Variants in PCDH15 observed in about 807,000 individuals in gnomAD.
PCDH15 encodes protocadherin-15.
Under a neutral mutation model 178.5 loss-of-function variants are expected in PCDH15, and 129 were observed. The ratio of observed to expected loss-of-function variants is 0.72; its 90% CI spans 0.63 to 0.84. The LOEUF (loss-of-function observed/expected upper bound fraction) is 0.84, where lower values mean the gene tolerates loss of function less well. Among genes scored for constraint, PCDH15 ranks in the 40% least tolerant of loss-of-function variants. PCDH15 has a pLI of 0.00. For synonymous variants in PCDH15, 800 were observed against 732.0 expected, an observed-to-expected ratio of 1.09 and a Z score of -1.50; for missense variants, 2,230 against 2,099.9, an observed-to-expected ratio of 1.06 and a Z score of -1.21.
chr10:54,526,895 T>G (rs1221153635), intron 3 of PCDH15, among the ~76,000 whole-genome samples: 1 of 152,108 alleles, frequency 6.6e-6, no homozygotes, highest in Non-Finnish European at 1.5e-5. Context: ...GTTTCCAAAG[T>G]ACATGTACGC....
intron 2 of PCDH15, among the ~76,000 whole-genome samples, chr10:55,331,835 C>A (rs912972976): frequency 1.3e-5 from 2 of 151,996 alleles, no homozygotes; most frequent in African/African-American, 4.8e-5. Context: ...TGGCAAAATA[C>A]ATCTTCAATA....
chr10:54,738,754 C>T (rs1428235720), intron 1 of PCDH15, among the ~76,000 whole-genome samples: 5 of 151,986 alleles, frequency 3.3e-5, no homozygotes, highest in African/African-American at 1.2e-4. Flanking sequence ...TAAACATATG[C>T]TAATCAATAA....
At chr10:55,619,590 G>T (rs926993495) in intron 2 of PCDH15, among the ~76,000 whole-genome samples, 4 of 151,984 alleles carry the variant, frequency 2.6e-5, no homozygotes, top group African/African-American at 9.7e-5. Flanking sequence ...AGTTTGTAAA[G>T]TTACGAGAAT....
intron 19 of PCDH15, among the ~76,000 whole-genome samples, chr10:54,021,739 G>C (rs1010595483): frequency 1.4e-4 from 21 of 151,772 alleles, no homozygotes; most frequent in Non-Finnish European, 1.6e-4. Context: ...GAGGACCTAC[G>C]TTTTAACTAC....
At chr10:54,590,309 G>T (rs562450952) in intron 2 of PCDH15, among the ~76,000 whole-genome samples, 55 of 152,096 alleles carry the variant, frequency 3.6e-4, no homozygotes, top group South Asian at 8.3e-4. Context: ...GAATACATTT[G>T]CCTGACTCCA....
chr10:55,552,310 T>C (rs996428480), intron 2 of PCDH15, among the ~76,000 whole-genome samples: 1 of 151,636 alleles, frequency 6.6e-6, no homozygotes, highest in Admixed American at 6.6e-5. Context: ...TTCTTTATTA[T>C]TGTGAACAGA....
intron 18 of PCDH15, among the ~76,000 whole-genome samples, chr10:54,034,366 TC>T (rs11358352): frequency 0.027 from 4,103 of 152,010 alleles, 89 homozygotes; most frequent in East Asian, 0.11. Flanking sequence ...AGATATAGGT[TC>T]CAGTTTTATT....
At chr10:55,207,064 C>T (rs1229620751) in intron 1 of PCDH15, among the ~76,000 whole-genome samples, 1 of 151,924 alleles carries the variant, frequency 6.6e-6, no homozygotes, top group South Asian at 2.1e-4. Context: ...CCTTCTAACC[C>T]AAGAATCAAG....
chr10:55,507,299 G>T (rs1041349913), intron 2 of PCDH15, among the ~76,000 whole-genome samples: 1 of 151,234 alleles, frequency 6.6e-6, no homozygotes, highest in African/African-American at 2.4e-5. Context: ...GTAATTCTTG[G>T]GAGGTAAGTG....
chr10:54,648,400 T>C (rs2094180038), intron 2 of PCDH15, among the ~76,000 whole-genome samples: 1 of 152,130 alleles, frequency 6.6e-6, no homozygotes, highest in Non-Finnish European at 1.5e-5. Flanking sequence ...TGCTTTGGAT[T>C]GTTATCTGTC....
chr10:55,132,785 G>A (rs1250162349), intron 2 of PCDH15, among the ~76,000 whole-genome samples: 1 of 152,098 alleles, frequency 6.6e-6, no homozygotes, highest in East Asian at 1.9e-4. Context: ...AAACATTGTA[G>A]TTATCCTCAT....
chr10:55,281,437 C>A (rs149960216), intron 1 of PCDH15, among the ~76,000 whole-genome samples: 2,438 of 149,316 alleles, frequency 0.016, 69 homozygotes, highest in African/African-American at 0.057. Context: ...TTTTCTTTTT[C>A]TTTTTTTAAT....
At chr10:55,610,754 C>T (rs1353222474) in intron 2 of PCDH15, among the ~76,000 whole-genome samples, 5 of 151,994 alleles carry the variant, frequency 3.3e-5, no homozygotes, top group East Asian at 1.9e-4. Flanking sequence ...CAAACTTGCC[C>T]GTCATCAAAA....
chr10:54,990,285 C>T (rs1454503765), intron 2 of PCDH15, among the ~76,000 whole-genome samples: 1 of 152,104 alleles, frequency 6.6e-6, no homozygotes, highest in Non-Finnish European at 1.5e-5. Context: ...ATGATTACTT[C>T]AGTAGAAAAT....
At chr10:55,088,710 T>C (rs1433145281) in intron 2 of PCDH15, among the ~76,000 whole-genome samples, 2 of 152,174 alleles carry the variant, frequency 1.3e-5, no homozygotes, top group Non-Finnish European at 1.5e-5. Context: ...CATTATTTTA[T>C]AAGCATAAGG....
chr10:54,807,493 T>C (rs1952797215), intron 3 of PCDH15, among the ~76,000 whole-genome samples: 1 of 151,840 alleles, frequency 6.6e-6, no homozygotes, highest in Admixed American at 6.6e-5. Flanking sequence ...CTACTATACA[T>C]TGTACTTTTT....
intron 8 of PCDH15, among the ~76,000 whole-genome samples, chr10:54,255,023 C>T (rs1229472211): frequency 2.6e-5 from 4 of 152,194 alleles, no homozygotes; most frequent in African/African-American, 9.7e-5. Context: ...CCATCACACT[C>T]GCATCAGAAG....
At chr10:54,430,124 C>T (rs7075523) in intron 3 of PCDH15, among the ~76,000 whole-genome samples, 7,312 of 144,790 alleles carry the variant, frequency 0.051, 618 homozygotes, top group African/African-American at 0.18. Context: ...TGTGTGATCT[C>T]GGCTCACTGC....
At chr10:54,222,759 T>G (rs1385811892) in intron 9 of PCDH15, among the ~76,000 whole-genome samples, 2 of 152,102 alleles carry the variant, frequency 1.3e-5, no homozygotes, top group East Asian at 3.9e-4. Flanking sequence ...ACTTTTCATA[T>G]TCTTATTTTG....
Sources: allele counts gnomAD v4.1 joint callset (sites outside exome capture counted in the v4.1 genomes callset), GRCh38; gene constraint gnomAD v4.1.1; transcripts MANE v1.5; gene names NCBI Gene and HGNC (gene_info 2026-07-23, HGNC 2026-07-21).